PTGR3: variants seen among roughly 807,000 people sequenced by gnomAD.
PTGR3 encodes the protein zinc binding alcohol dehydrogenase domain containing 2.
the PTGR3 span, among the ~76,000 whole-genome samples, chr18:75,204,675 TCCCGGGCGGGCCGGGACCGCGCAGG>T: frequency 5.3e-5 from 8 of 151,864 alleles, no homozygotes; most frequent in Admixed American, 3.9e-4. Flanking sequence ...TGACCCCAAC[TCCCGGGCGGGCCGGGACCGCGCAGG>T]CCCGGCGCCG....
At chr18:75,208,973 A>G in the PTGR3 span, 6 of 1,594,956 alleles carry the variant, frequency 3.8e-6, no homozygotes, top group South Asian at 6.8e-5. Context: ...GGCTTGGGGA[A>G]TGGCGGAGCC....
At chr18:75,201,241 T>G in the PTGR3 span, 4 of 582,650 alleles carry the variant, frequency 6.9e-6, no homozygotes, top group Non-Finnish European at 1.2e-5. Context: ...TTTTTTTTTT[T>G]CCCCCAAGGG....
the PTGR3 span, among the ~76,000 whole-genome samples, chr18:75,204,101 C>T: frequency 6.6e-6 from 1 of 152,280 alleles, no homozygotes; most frequent in Non-Finnish European, 1.5e-5. Flanking sequence ...GTTTGTCCCC[C>T]TGGTGTCTCC....
chr18:75,201,987 A>T, the PTGR3 span: 1 of 1,614,232 alleles, frequency 6.2e-7, no homozygotes, highest in South Asian at 1.1e-5. Context: ...CTGCATGGCA[A>T]ACTGGCCCGT....
the PTGR3 span, among the ~76,000 whole-genome samples, chr18:75,202,817 A>G: frequency 1.3e-5 from 2 of 152,250 alleles, no homozygotes; most frequent in East Asian, 3.8e-4. Context: ...TCAAAGAAGT[A>G]GACTTGTATT....
chr18:75,205,285 G>A, the PTGR3 span: 8 of 985,530 alleles, frequency 8.1e-6, no homozygotes, highest in South Asian at 3.8e-4. Context: ...CTCGGGATGG[G>A]GAGCAGGGGC....
chr18:75,205,643 G>T, the PTGR3 span: 3 of 263,282 alleles, frequency 1.1e-5, no homozygotes, highest in Non-Finnish European at 1.8e-5. Flanking sequence ...AACCAAAGGC[G>T]AGGATTCAAG....
the PTGR3 span, chr18:75,202,260 C>G: frequency 1.5e-5 from 25 of 1,614,002 alleles, no homozygotes; most frequent in Non-Finnish European, 2.1e-5. Flanking sequence ...GCCTTCGAAA[C>G]CTATGTCAAA....
the PTGR3 span, among the ~76,000 whole-genome samples, chr18:75,206,004 C>A: frequency 1.3e-5 from 2 of 152,130 alleles, no homozygotes; most frequent in South Asian, 4.1e-4. Flanking sequence ...AATCTGTCAC[C>A]TTCTTACGAA....
At chr18:75,202,428 C>A in the PTGR3 span, 14 of 1,316,906 alleles carry the variant, frequency 1.1e-5, no homozygotes, top group South Asian at 1.4e-5. Flanking sequence ...CTAGTTCTGG[C>A]GACCCTGGAG....
chr18:75,207,952 T>C, the PTGR3 span, among the ~76,000 whole-genome samples: 21 of 152,278 alleles, frequency 1.4e-4, no homozygotes, highest in Admixed American at 1.1e-3. Flanking sequence ...GCAGAGGGCA[T>C]AGAGGAGCGC....
the PTGR3 span, chr18:75,201,729 C>T: frequency 4.3e-6 from 7 of 1,614,218 alleles, no homozygotes; most frequent in Non-Finnish European, 5.1e-6. Flanking sequence ...AGTTTGGTAG[C>T]CAGAGATAAA....
At chr18:75,208,767 G>T in the PTGR3 span, 1 of 1,257,030 alleles carries the variant, frequency 8.0e-7, no homozygotes. Context: ...CACGCGGGCG[G>T]GCTGGGGACT....
chr18:75,205,492 C>T, the PTGR3 span: 257 of 985,178 alleles, frequency 2.6e-4, no homozygotes, highest in Middle Eastern at 5.2e-4. Flanking sequence ...AGAATAGGAC[C>T]GGCGCAGGCA....
the PTGR3 span, chr18:75,208,738 G>A: frequency 2.8e-6 from 3 of 1,065,952 alleles, no homozygotes; most frequent in Non-Finnish European, 3.6e-6. Context: ...GTGCGCCCGA[G>A]CGCGCGCCGG....
chr18:75,198,140 G>A, the PTGR3 span: 5 of 152,154 alleles, frequency 3.3e-5, no homozygotes, highest in East Asian at 1.9e-4. Flanking sequence ...CATTATAAAC[G>A]TTACCCAAAT....
At chr18:75,208,503 G>C in the PTGR3 span, 5 of 1,048,320 alleles carry the variant, frequency 4.8e-6, no homozygotes, top group African/African-American at 5.0e-5. Flanking sequence ...GCGCGCGGGC[G>C]GCCCGGCGGG....
chr18:75,202,132 C>T, the PTGR3 span: 1 of 1,614,122 alleles, frequency 6.2e-7, no homozygotes, highest in Non-Finnish European at 8.5e-7. Flanking sequence ...ACTGGAGTTG[C>T]AATGCTGGCA....
the PTGR3 span, among the ~76,000 whole-genome samples, chr18:75,203,195 C>T: frequency 2.6e-5 from 4 of 152,036 alleles, no homozygotes; most frequent in Admixed American, 1.3e-4. Flanking sequence ...AATTTAATTG[C>T]GAGGCCAGTA....
Sources: gnomAD v4.1 joint callset for allele counts (sites outside exome capture counted in the v4.1 genomes callset) on GRCh38, gnomAD v4.1.1 for gene constraint, MANE v1.5 for transcripts, NCBI Gene and HGNC (gene_info 2026-07-23, HGNC 2026-07-21) for gene names.